Variants in LPA observed in about 807,000 individuals in gnomAD.
LPA encodes the protein lipoprotein(a).
Under a neutral mutation model 197.9 loss-of-function variants are expected in LPA, and 199 were observed. The ratio of observed to expected loss-of-function variants is 1.01; its 90% CI spans 0.90 to 1.13. LPA has a LOEUF of 1.13. Ranked by LOEUF, LPA falls within the 50% of genes most tolerant of loss-of-function variation. The pLI is 0.00. For synonymous variants in LPA, 715 were observed against 639.5 expected (o/e 1.12, Z -1.78); for missense variants, 1,853 against 1,785.8 (o/e 1.04, Z -0.68).
rs1307137223 is a variant in LPA at position 160,553,911 on chromosome 6, CTCTCTCTT to C, written c.4973+2106_4973+2113del. ...TATTTATTTTTTTCAGCCTTTCTCT[CTCTCTCTT>C]TCTCTCTCTCTCTCTCTCTGTGTGT... is the stretch of plus-strand genomic sequence containing the variant. On this transcript the variant is annotated intron_variant, in intron 30 of 38. Coordinates refer to ENST00000316300, the MANE Select transcript of LPA (RefSeq NM_005577.4). 1.7e-3 allele frequency among the ~76,000 whole-genome samples: 243 copies of C among 144,258 alleles called. 1 individual carries two copies. Among genetic ancestry groups the C allele is most frequent in the Middle Eastern group, 0.014 (4 of 292 alleles). The allele number at this position is 144,258 out of a possible 152,430, so 94.6% of individuals were successfully genotyped here. A position where few individuals can be genotyped will look rare whatever the true frequency, so the allele number is the denominator to read the frequency against.
intron 27 of LPA, among the ~76,000 whole-genome samples, chr6:160,578,146 G>A (rs562664519): frequency 2.2e-4 from 33 of 152,248 alleles, no homozygotes; most frequent in African/African-American, 7.9e-4. Context: ...ACTGTAGATT[G>A]CAATGAAAAA....
chr6:160,576,030 C>T (rs138569351), intron 28 of LPA, among the ~76,000 whole-genome samples: 1 of 152,136 alleles, frequency 6.6e-6, no homozygotes, highest in Non-Finnish European at 1.5e-5. Context: ...AAATACAGCA[C>T]ACTTATGGGG....
intron 30 of LPA, among the ~76,000 whole-genome samples, chr6:160,552,119 T>C (rs1343270389): frequency 6.6e-6 from 1 of 152,162 alleles, no homozygotes; most frequent in Non-Finnish European, 1.5e-5. Flanking sequence ...ACTCTGTTGC[T>C]AAGGCTGGTC....
At chr6:160,646,622 A>G (rs1212308040) in intron 2 of LPA, among the ~76,000 whole-genome samples, 6 of 107,102 alleles carry the variant, frequency 5.6e-5, no homozygotes, top group Non-Finnish European at 1.1e-4. Flanking sequence ...TAAAAAATCT[A>G]AAGTAGCAAA....
chr6:160,652,052 T>G (rs922913060), intron 1 of LPA, among the ~76,000 whole-genome samples: 1 of 144,040 alleles, frequency 6.9e-6, no homozygotes, highest in Non-Finnish European at 1.5e-5. Flanking sequence ...ATAAGGTTTA[T>G]GAAGCAATAT....
chr6:160,557,266 T>G, intron 29 of LPA, 124 bp downstream of exon 29: 1 of 1,204,482 alleles, frequency 8.3e-7, no homozygotes, highest in Non-Finnish European at 1.2e-6. Context: ...GTGCTGAGGC[T>G]TCTTTCCACC....
At chr6:160,542,886 A>G in intron 33 of LPA, 78 bp from the exon 34 acceptor site, 1 of 1,593,314 alleles carries the variant, frequency 6.3e-7, no homozygotes, top group Admixed American at 1.7e-5. Flanking sequence ...GACGAATTCC[A>G]AGCACTAGTT....
chr6:160,652,633 G>A (rs73782408), intron 1 of LPA, among the ~76,000 whole-genome samples: 1 of 151,998 alleles, frequency 6.6e-6, no homozygotes, highest in African/African-American at 2.4e-5. Flanking sequence ...GTAAAATAAA[G>A]AAATTATTCA....
intron 22 of LPA, 28 bp downstream of exon 22, chr6:160,593,930 T>A: frequency 6.2e-7 from 1 of 1,612,416 alleles, no homozygotes. Context: ...GGCTGCTGTC[T>A]GTCTTTGAAG....
intron 29 of LPA, among the ~76,000 whole-genome samples, chr6:160,556,394 G>A (rs1344202594): frequency 6.6e-6 from 1 of 152,032 alleles, no homozygotes; most frequent in African/African-American, 2.4e-5. Flanking sequence ...AAAACCTGGT[G>A]GGAAAAGGAC....
At chr6:160,568,105 T>C (rs9347414) in intron 28 of LPA, among the ~76,000 whole-genome samples, 2 of 152,006 alleles carry the variant, frequency 1.3e-5, no homozygotes, top group African/African-American at 4.8e-5. Context: ...ATTCCAATCA[T>C]AGAAAAAGAG....
intron 20 of LPA, among the ~76,000 whole-genome samples, chr6:160,597,059 T>C (rs1400518799): frequency 6.6e-6 from 1 of 152,210 alleles, no homozygotes; most frequent in African/African-American, 2.4e-5. Context: ...ATGACTTTAA[T>C]TCTTTTAAAT....
At chr6:160,542,930 A>T in intron 33 of LPA, 122 bp from the exon 34 acceptor site, 1 of 1,342,330 alleles carries the variant, frequency 7.4e-7, no homozygotes, top group Non-Finnish European at 1.1e-6. Flanking sequence ...AAATGGTAAA[A>T]TCATAAACAC....
intron 30 of LPA, among the ~76,000 whole-genome samples, chr6:160,553,954 T>TGTGTGCGCGCGCGC (rs771903485): frequency 4.6e-5 from 6 of 130,748 alleles, no homozygotes; most frequent in African/African-American, 1.8e-4. Flanking sequence ...TGTGTGTGTG[T>TGTGTGCGCGCGCGC]GCGCGCGCGC....
At chr6:160,609,895 T>G (rs1225078716) in intron 16 of LPA, among the ~76,000 whole-genome samples, 1 of 152,080 alleles carries the variant, frequency 6.6e-6, no homozygotes, top group Admixed American at 6.6e-5. Flanking sequence ...AATTTTTTCT[T>G]CTGAAACATC....
chr6:160,602,936 G>C (rs1207825822), intron 18 of LPA, among the ~76,000 whole-genome samples: 1 of 146,914 alleles, frequency 6.8e-6, no homozygotes. Context: ...GATGTTTCTT[G>C]TTATTATATC....
At chr6:160,576,398 A>ACATATATATATATATATATATGTG (rs1778675911) in intron 28 of LPA, among the ~76,000 whole-genome samples, 1 of 54,986 alleles carries the variant, frequency 1.8e-5, no homozygotes, top group East Asian at 6.2e-4. Context: ...ATGTATATAT[A>ACATATATATATATATATATATGTG]TATATATATA....
chr6:160,593,356 G>A (rs1399167337), intron 22 of LPA, among the ~76,000 whole-genome samples: 4 of 152,174 alleles, frequency 2.6e-5, no homozygotes, highest in Non-Finnish European at 5.9e-5. Flanking sequence ...AAACGCTGAC[G>A]TGGTCTGAAC....
At chr6:160,659,936 C>T (rs976155690) in intron 1 of LPA, among the ~76,000 whole-genome samples, 1 of 152,216 alleles carries the variant, frequency 6.6e-6, no homozygotes, top group Non-Finnish European at 1.5e-5. Context: ...TAATGAAACC[C>T]AGGAAGATAA....
Sources: allele counts gnomAD v4.1 joint callset (sites outside exome capture counted in the v4.1 genomes callset), GRCh38; gene constraint gnomAD v4.1.1; transcripts MANE v1.5; gene names NCBI Gene and HGNC (gene_info 2026-07-23, HGNC 2026-07-21).